The following UBE2D3 variants were observed in gnomAD, a reference collection of about 807,000 sequenced individuals.
The protein encoded by UBE2D3 is ubiquitin-conjugating enzyme E2 D3.
UBE2D3 carries 2 observed loss-of-function variants against 22.8 expected under a neutral mutation model. The observed-to-expected ratio is 0.09, with a 90% CI of 0.04 to 0.28. The LOEUF is 0.28. Ranked by LOEUF, UBE2D3 falls within the 10% of genes least tolerant of loss-of-function variation. The pLI is 1.00. For synonymous variants in UBE2D3, 56 were observed against 60.4 expected, an observed-to-expected ratio of 0.93 and a Z score of 0.34; for missense variants, 27 against 182.5, an observed-to-expected ratio of 0.15 and a Z score of 4.91.
chr4:102,811,562 TC>T, intron 2 of UBE2D3: 1 of 279,190 alleles, frequency 3.6e-6, no homozygotes, highest in South Asian at 3.0e-5. Context: ...ACGCCTGTAA[TC>T]CCAGCTACTC....
rs749128268 is a variant in UBE2D3 at position 102,826,514 on chromosome 4, G to A, written c.-6C>T. 6.2e-7 allele frequency: 1 copy of A among 1,613,424 alleles called. No homozygotes were observed. The highest frequency in any genetic ancestry group is 8.5e-7 in the Non-Finnish European group (1 of 1,179,964). The stretch of plus-strand genomic sequence containing the variant: ...TTAATCCGTTTCAGCGCCATAGTGT[G>A]TGCTTGTCGTCTGGCTCCTCACTCT... On this transcript the variant is annotated 5_prime_UTR_variant, in exon 2 of 8. Coordinates refer to ENST00000453744, the MANE Select transcript of UBE2D3 (RefSeq NM_181891.3).
At chr4:102,837,020 A>C (rs1366027739) in intron 1 of UBE2D3, 1 of 152,228 alleles carries the variant, frequency 6.6e-6, no homozygotes, top group Non-Finnish European at 1.5e-5. Flanking sequence ...TCACTATATA[A>C]ATCTGAGTAC....
intron 1 of UBE2D3, among the ~76,000 whole-genome samples, chr4:102,844,692 G>C (rs1731945760): frequency 6.6e-6 from 1 of 152,066 alleles, no homozygotes; most frequent in South Asian, 2.1e-4. Context: ...TGGGTTTCTA[G>C]TATTAGTACA....
chr4:102,825,361 AC>A, intron 2 of UBE2D3: 1 of 1,009,934 alleles, frequency 9.9e-7, no homozygotes, highest in Non-Finnish European at 1.2e-6. Context: ...AATACAAGTC[AC>A]AAAAAAGGGA....
intron 1 of UBE2D3, among the ~76,000 whole-genome samples, chr4:102,848,055 C>T (rs2110363947): frequency 6.6e-6 from 1 of 152,166 alleles, no homozygotes; most frequent in East Asian, 1.9e-4. Context: ...TGCAAAAATT[C>T]AAAAAATTGC....
At chr4:102,837,171 C>T (rs1204992581) in intron 1 of UBE2D3, 2 of 152,092 alleles carry the variant, frequency 1.3e-5, no homozygotes, top group African/African-American at 4.8e-5. Context: ...GTCACTTCCA[C>T]AATTAAGAGT....
At chr4:102,859,458 T>C (rs1379780296) in intron 1 of UBE2D3, among the ~76,000 whole-genome samples, 1 of 151,976 alleles carries the variant, frequency 6.6e-6, no homozygotes, top group Non-Finnish European at 1.5e-5. Context: ...CACAATGGTA[T>C]GAAAACCCAA....
chr4:102,823,198 A>C (rs1052577230), intron 2 of UBE2D3, among the ~76,000 whole-genome samples: 12 of 151,510 alleles, frequency 7.9e-5, no homozygotes, highest in Admixed American at 5.9e-4. Flanking sequence ...TCTGAATGAC[A>C]AAAAAAAACT....
At chr4:102,822,104 T>C (rs990477174) in intron 2 of UBE2D3, among the ~76,000 whole-genome samples, 2 of 152,230 alleles carry the variant, frequency 1.3e-5, no homozygotes, top group Non-Finnish European at 2.9e-5. Flanking sequence ...CAGAGCAATC[T>C]AGTGACACAG....
intron 1 of UBE2D3, among the ~76,000 whole-genome samples, chr4:102,837,813 G>A (rs569202664): frequency 2.6e-5 from 4 of 152,306 alleles, no homozygotes; most frequent in South Asian, 2.1e-4. Flanking sequence ...TTAGCCAGGC[G>A]TGGTGGCAGG....
intron 1 of UBE2D3, among the ~76,000 whole-genome samples, chr4:102,867,919 A>T (rs1733229641): frequency 6.6e-6 from 1 of 152,164 alleles, no homozygotes; most frequent in Admixed American, 6.5e-5. Flanking sequence ...ATTTTTTTTT[A>T]GCTCATTAGC....
chr4:102,839,499 C>T (rs1731621035), intron 1 of UBE2D3, among the ~76,000 whole-genome samples: 1 of 152,134 alleles, frequency 6.6e-6, no homozygotes, highest in Non-Finnish European at 1.5e-5. Flanking sequence ...TCTTGAACTC[C>T]TGGGATCAAG....
At chr4:102,863,019 T>G (rs879644574) in intron 1 of UBE2D3, among the ~76,000 whole-genome samples, 3 of 152,036 alleles carry the variant, frequency 2.0e-5, no homozygotes, top group Non-Finnish European at 4.4e-5. Context: ...GTGAGGGGTA[T>G]GGGTATGCCC....
upstream of UBE2D3, among the ~76,000 whole-genome samples, chr4:102,831,330 G>A (rs551121907): frequency 2.7e-4 from 41 of 152,278 alleles, no homozygotes; most frequent in African/African-American, 8.9e-4. Context: ...TATGGTTTAA[G>A]AAAGTGTACT....
At chr4:102,799,955 G>A (rs1311234889) in intron 6 of UBE2D3, among the ~76,000 whole-genome samples, 1 of 151,650 alleles carries the variant, frequency 6.6e-6, no homozygotes, top group Non-Finnish European at 1.5e-5. Flanking sequence ...AAACCCTCAA[G>A]TGCTCCACTA....
intron 7 of UBE2D3, among the ~76,000 whole-genome samples, chr4:102,798,025 G>A (rs74434876): frequency 5.0e-4 from 76 of 151,802 alleles, no homozygotes; most frequent in African/African-American, 1.8e-3. Flanking sequence ...GTGTGTGTGT[G>A]AGTGGTTGTG....
At chr4:102,802,779 T>C (rs554101975) in intron 4 of UBE2D3, 141 bp from the exon 5 acceptor site, 2 of 545,824 alleles carry the variant, frequency 3.7e-6, no homozygotes, top group Non-Finnish European at 6.0e-6. Context: ...CCATGAAAAT[T>C]CAGTCTATAG....
At chr4:102,858,087 T>C (rs900393666) in intron 1 of UBE2D3, among the ~76,000 whole-genome samples, 13 of 152,064 alleles carry the variant, frequency 8.5e-5, no homozygotes, top group African/African-American at 2.4e-4. Context: ...AATTTATTTA[T>C]AAAAACAGGC....
intron 1 of UBE2D3, among the ~76,000 whole-genome samples, chr4:102,835,393 G>T (rs192760593): frequency 2.0e-5 from 3 of 152,274 alleles, no homozygotes; most frequent in Admixed American, 1.3e-4. Flanking sequence ...AGCATCCTTG[G>T]ATTTTGGTAT....
Sources: allele counts gnomAD v4.1 joint callset (sites outside exome capture counted in the v4.1 genomes callset), GRCh38; gene constraint gnomAD v4.1.1; transcripts MANE v1.5; gene names NCBI Gene and HGNC (gene_info 2026-07-23, HGNC 2026-07-21).